The following TMOD1 variants were observed in gnomAD, a reference collection of about 807,000 sequenced individuals.
TMOD1 encodes tropomodulin 1.
In TMOD1, 17 loss-of-function variants were observed where a neutral mutation model predicts 40.6. That is an observed-to-expected ratio of 0.42 (90% CI 0.29 to 0.63). TMOD1 has a LOEUF of 0.63. Among genes scored for constraint, TMOD1 ranks in the 20% least tolerant of loss-of-function variants. The pLI is 0.22. For missense variants in TMOD1, 391 were observed against 447.6 expected, an observed-to-expected ratio of 0.87 and a Z score of 1.14; for synonymous variants, 181 against 175.0, an observed-to-expected ratio of 1.03 and a Z score of -0.27.
intron 2 of TMOD1, among the ~76,000 whole-genome samples, chr9:97,539,038 C>A (rs1182744667): frequency 2.0e-5 from 3 of 152,008 alleles, no homozygotes; most frequent in African/African-American, 7.2e-5. Flanking sequence ...AACAAACAAA[C>A]AAACAAAACA....
intron 3 of TMOD1, among the ~76,000 whole-genome samples, chr9:97,551,834 C>T (rs1366877013): frequency 6.6e-6 from 1 of 152,034 alleles, no homozygotes; most frequent in African/African-American, 2.4e-5. Flanking sequence ...AATATTTTTT[C>T]ATTTATTTAG....
At chr9:97,558,931 C>T (rs954619068) in intron 4 of TMOD1, among the ~76,000 whole-genome samples, 1 of 152,218 alleles carries the variant, frequency 6.6e-6, no homozygotes, top group African/African-American at 2.4e-5. Flanking sequence ...TACCAAGGCT[C>T]AGCCTGAAAT....
At position 97,583,526 on chromosome 9, in the gene TMOD1, A is replaced by G. The variant is rs879621165; in HGVS notation, c.871-7765A>G. Among the ~76,000 whole-genome samples, 1,444 of 150,600 alleles carry G rather than the reference A, an allele frequency of 9.6e-3. 10 individuals are homozygous for G. The highest frequency in any genetic ancestry group is 0.015 in the Non-Finnish European group (1,003 of 67,240). Reference sequence around the variant, plus strand: ...TGATGCTGGCCTCATAAAATGAGTTAGGGAGGATTCCGTCTTTTTCTATTG... The same window carrying G: ...TGATGCTGGCCTCATAAAATGAGTTGGGGAGGATTCCGTCTTTTTCTATTG... On this transcript the variant is annotated intron_variant, in intron 8 of 9. Transcript: ENST00000259365.
At chr9:97,546,134 T>C (rs113024326) in intron 2 of TMOD1, 51 bp from the exon 3 acceptor site, 4 of 1,539,168 alleles carry the variant, frequency 2.6e-6, no homozygotes, top group South Asian at 2.5e-5. Context: ...CACTCTCTCT[T>C]TCTCTCTCTC....
chr9:97,577,366 A>G (rs990852846), intron 8 of TMOD1, among the ~76,000 whole-genome samples: 1 of 152,214 alleles, frequency 6.6e-6, no homozygotes, highest in African/African-American at 2.4e-5. Context: ...CACTTAAGTG[A>G]GGTGGAAACC....
At position 97,555,702 on chromosome 9, in the gene TMOD1, C is replaced by T. The variant is rs1830527194; in HGVS notation, c.397+2302C>T. On this transcript the variant is annotated intron_variant, in intron 4 of 9. Transcript: ENST00000259365. ...ACACTTTTGACCACCTACCATGTCC[C>T]AGGTTCTATGTGAGTTGCTCTCAAG... The T allele has an allele frequency of 4.5e-6, 7 of 1,548,900 alleles. 1 individual carries two copies. The South Asian group carries it at 7.1e-5, about 16-fold the overall frequency.
At chr9:97,520,101 C>G (rs1277044548) in intron 1 of TMOD1, among the ~76,000 whole-genome samples, 1 of 152,124 alleles carries the variant, frequency 6.6e-6, no homozygotes, top group Admixed American at 6.5e-5. Flanking sequence ...AGGAGTGAGT[C>G]CCCCTCACTT....
intron 1 of TMOD1, among the ~76,000 whole-genome samples, chr9:97,522,622 C>A (rs552719700): frequency 6.6e-6 from 1 of 152,106 alleles, no homozygotes; most frequent in East Asian, 1.9e-4. Flanking sequence ...AATGCAGTGG[C>A]GGGAACATGG....
intron 2 of TMOD1, among the ~76,000 whole-genome samples, chr9:97,527,754 G>C (rs1190452512): frequency 1.3e-5 from 2 of 152,244 alleles, no homozygotes; most frequent in African/African-American, 4.8e-5. Flanking sequence ...TGATGCTGGG[G>C]ACACATGGAC....
At position 97,568,935 on chromosome 9, in the gene TMOD1, A is replaced by G. The variant is rs1232703914; in HGVS notation, c.768A>G (p.Thr256=). 6.2e-7 allele frequency: 1 copy of G among 1,614,218 alleles called. No homozygotes were observed. The highest frequency in any genetic ancestry group is 1.3e-5 in the African/African-American group (1 of 75,046). The change falls in exon 8 of 10, where the codon ACA becomes ACG. Residue 256 remains threonine, a synonymous_variant. Transcript: ENST00000259365. ...TCAAGGAGAACAAGGTGTTGAAGACACTGAATGTGGAATCCAACTTCATTT... is the reference window on the plus strand; with the variant it reads ...TCAAGGAGAACAAGGTGTTGAAGACGCTGAATGTGGAATCCAACTTCATTT... ...EMLKENKVLK[T]LNVESNFISG...
Position 97,565,866 on chromosome 9 carries a change from C to T in TMOD1, c.637C>T (p.Leu213Phe), listed in dbSNP as rs763721211. ...TGTGCAGAATATCCCCATCCCCACC[C>T]TCAAGGCATATGCAGAAGCCCTGAA... Reference protein sequence around the residue: ...NNIRNIPIPTLKAYAEALKEN... With the variant: ...NNIRNIPIPTFKAYAEALKEN... The change falls in exon 7 of 10, where the codon CTC becomes TTC. Residue 213 changes from leucine (L) to phenylalanine (F), a missense_variant. Physicochemically the swap from Leu to Phe is conservative, Grantham distance 22. Coordinates refer to ENST00000259365, the MANE Select transcript of TMOD1 (RefSeq NM_003275.4). 3 of 1,614,070 alleles carry T rather than the reference C, an allele frequency of 1.9e-6. No individual in the cohort carries two copies. Among genetic ancestry groups the T allele is most frequent in the Admixed American group, 3.3e-5 (2 of 60,020 alleles).
chr9:97,551,014 A>AT (rs55700746), intron 3 of TMOD1, among the ~76,000 whole-genome samples: 1,161 of 103,916 alleles, frequency 0.011, 29 homozygotes, highest in African/African-American at 0.016. Flanking sequence ...ATATATATAT[A>AT]TTTTTTTTTT....
intron 1 of TMOD1, among the ~76,000 whole-genome samples, chr9:97,508,616 A>G (rs1303244358): frequency 1.3e-5 from 2 of 152,178 alleles, no homozygotes; most frequent in Non-Finnish European, 2.9e-5. Context: ...GAGCTGTTAT[A>G]TTATGGGAAG....
intron 1 of TMOD1, among the ~76,000 whole-genome samples, chr9:97,520,432 G>A (rs926728385): frequency 3.9e-5 from 6 of 152,008 alleles, no homozygotes; most frequent in African/African-American, 1.2e-4. Flanking sequence ...CACTGTTTTC[G>A]CCTCCCTCCC....
rs1282212758 is a variant in TMOD1 at position 97,582,398 on chromosome 9, T to C, written c.871-8893T>C. On this transcript the variant is annotated intron_variant, in intron 8 of 9. Transcript: ENST00000259365. ...ACCAGTACCATGCTGTTTTGGTTAC[T>C]GTAGCCTTATAGTATAGTTTGAAGT... Among the ~76,000 whole-genome samples the C allele has an allele frequency of 2.7e-5, 4 of 148,858 alleles. 1 individual carries two copies. The highest frequency in any genetic ancestry group is 1.0e-4 in the African/African-American group (4 of 39,852).
chr9:97,572,317 T>C (rs1390582716), intron 8 of TMOD1, among the ~76,000 whole-genome samples: 2 of 151,884 alleles, frequency 1.3e-5, no homozygotes, highest in African/African-American at 4.8e-5. Context: ...GAGCTTTGAA[T>C]GGGTAGGTTT....
chr9:97,524,174 A>C lies in TMOD1; in HGVS notation c.-15A>C. The C allele has an allele frequency of 6.2e-7, 1 of 1,612,744 alleles. No homozygotes were observed. The highest frequency in any genetic ancestry group is 8.5e-7 in the Non-Finnish European group (1 of 1,179,452). On this transcript the variant is annotated 5_prime_UTR_variant, in exon 2 of 10. Coordinates refer to ENST00000259365, the MANE Select transcript of TMOD1 (RefSeq NM_003275.4). ...CAGCACAGAAATTCAGGAGACACAG[A>C]CAAGTTCTTCCACGATGTCGTACAG...
chr9:97,541,517 A>T (rs890542625), intron 2 of TMOD1, among the ~76,000 whole-genome samples: 41 of 146,758 alleles, frequency 2.8e-4, no homozygotes, highest in Admixed American at 6.1e-4. Context: ...TTTATTTTTT[A>T]TTTTTTATTT....
At chr9:97,582,253 G>A (rs1423620941) in intron 8 of TMOD1, among the ~76,000 whole-genome samples, 1 of 146,648 alleles carries the variant, frequency 6.8e-6, no homozygotes, top group African/African-American at 2.5e-5. Flanking sequence ...TTATTAAATA[G>A]GGAATCCTTT....
Sources: allele counts gnomAD v4.1 joint callset (sites outside exome capture counted in the v4.1 genomes callset), GRCh38; gene constraint gnomAD v4.1.1; transcripts MANE v1.5; gene names NCBI Gene and HGNC (gene_info 2026-07-23, HGNC 2026-07-21).